The following ZMIZ1 variants were observed in gnomAD, a reference collection of about 807,000 sequenced individuals.
The protein encoded by ZMIZ1 is zinc finger MIZ-type containing 1.
ZMIZ1 carries 17 observed loss-of-function variants against 113.9 expected under a neutral mutation model. The ratio of observed to expected loss-of-function variants is 0.15; its 90% CI spans 0.10 to 0.22. The LOEUF is 0.22. ZMIZ1 is among the 10% of genes least tolerant of loss of function. ZMIZ1 has a pLI of 1.00. For missense variants in ZMIZ1, 1,059 were observed against 1,477.8 expected (o/e 0.72, Z 4.65); for synonymous variants, 607 against 603.1 (o/e 1.01, Z -0.09).
intron 7 of ZMIZ1, 91 bp from the exon 8 acceptor site, chr10:79,277,090 T>TAGC: frequency 4.9e-6 from 7 of 1,419,824 alleles, no homozygotes; most frequent in Non-Finnish European, 5.5e-6. Context: ...CCAGCATGGA[T>TAGC]AGCACCCAGT....
At chr10:79,262,046 C>T (rs915024373) in intron 7 of ZMIZ1, among the ~76,000 whole-genome samples, 8 of 152,202 alleles carry the variant, frequency 5.3e-5, no homozygotes, top group Admixed American at 3.3e-4. Flanking sequence ...TATCAGCGAA[C>T]GTTTGCCAAG....
chr10:79,122,548 C>T (rs558835034), intron 2 of ZMIZ1, among the ~76,000 whole-genome samples: 1 of 152,256 alleles, frequency 6.6e-6, no homozygotes, highest in East Asian at 1.9e-4. Flanking sequence ...TTGGCAGACT[C>T]ACTCCTGCAG....
chr10:79,293,833 T>A, intron 12 of ZMIZ1, 180 bp downstream of exon 12: 1 of 922,090 alleles, frequency 1.1e-6, no homozygotes, highest in Non-Finnish European at 1.7e-6. Context: ...GTTTCCCAAC[T>A]GAAAGACCTC....
intron 7 of ZMIZ1, among the ~76,000 whole-genome samples, chr10:79,247,282 G>A (rs1020081710): frequency 1.3e-5 from 2 of 152,210 alleles, no homozygotes; most frequent in African/African-American, 2.4e-5. Flanking sequence ...GGTCAGGGGC[G>A]GGGCACTGAT....
intron 3 of ZMIZ1, among the ~76,000 whole-genome samples, chr10:79,157,434 G>A (rs1845945465): frequency 6.6e-6 from 1 of 151,666 alleles, no homozygotes; most frequent in African/African-American, 2.4e-5. Context: ...AACAGCTGAG[G>A]CCTAATGACA....
intron 16 of ZMIZ1, among the ~76,000 whole-genome samples, chr10:79,299,612 AG>A (rs1189399118): frequency 6.6e-6 from 1 of 152,220 alleles, no homozygotes; most frequent in African/African-American, 2.4e-5. Flanking sequence ...CATCTATTGC[AG>A]GGGGCTGACC....
At chr10:79,277,433 G>A in intron 8 of ZMIZ1, 108 bp downstream of exon 8, 1 of 1,369,952 alleles carries the variant, frequency 7.3e-7, no homozygotes, top group Non-Finnish European at 9.6e-7. Context: ...CCATGAGGAT[G>A]TTGCATTTTC....
intron 7 of ZMIZ1, among the ~76,000 whole-genome samples, chr10:79,261,490 G>A (rs974247776): frequency 1.3e-5 from 2 of 152,220 alleles, no homozygotes; most frequent in African/African-American, 2.4e-5. Context: ...CTCTGGAAGA[G>A]AAACAGGGAG....
At chr10:79,293,232 C>A in intron 11 of ZMIZ1, 149 bp from the exon 12 acceptor site, 1 of 1,071,846 alleles carries the variant, frequency 9.3e-7, no homozygotes, top group Non-Finnish European at 1.3e-6. Flanking sequence ...CCCCTGGGGC[C>A]TGGTTGGTCA....
intron 1 of ZMIZ1, among the ~76,000 whole-genome samples, chr10:79,102,929 G>A (rs1305210212): frequency 6.6e-6 from 1 of 152,234 alleles, no homozygotes; most frequent in East Asian, 1.9e-4. Flanking sequence ...ATAGAAAGCA[G>A]GAAACCAGCT....
chr10:79,179,941 C>T (rs898668898), intron 4 of ZMIZ1, among the ~76,000 whole-genome samples: 5 of 152,164 alleles, frequency 3.3e-5, no homozygotes, highest in African/African-American at 9.7e-5. Context: ...AGGCCAGTGT[C>T]AGATCAGCAT....
At chr10:79,290,804 A>C (rs1159834421) in intron 9 of ZMIZ1, 155 bp from the exon 10 acceptor site, 3 of 857,152 alleles carry the variant, frequency 3.5e-6, no homozygotes, top group African/African-American at 1.7e-5. Flanking sequence ...TCACCGGTAC[A>C]CTCAGAATAG....
intron 1 of ZMIZ1, among the ~76,000 whole-genome samples, chr10:79,105,708 C>T (rs2132276481): frequency 6.6e-6 from 1 of 152,316 alleles, no homozygotes; most frequent in Non-Finnish European, 1.5e-5. Context: ...TTGTGTTTAA[C>T]TTCTATCCTT....
In ZMIZ1 at chr10:79,069,299, G is replaced by T. The variant is rs1842164345; in HGVS notation, c.-337+29G>T. 6.6e-6 allele frequency: 1 copy of T among 150,466 alleles called. No homozygotes were observed. Among genetic ancestry groups the T allele is most frequent in the African/African-American group, 2.4e-5 (1 of 41,236 alleles). The allele number at this position is 150,466 out of a possible 1,614,324, so 9.3% of individuals were successfully genotyped here. A position where few individuals can be genotyped will look rare whatever the true frequency, so the allele number is the denominator to read the frequency against. ...AGTTTGGGGCCAGAGCCAGGCGCCC[G>T]CTGGCTCCGGGGCTACCTCCCGCTC... is the stretch of plus-strand genomic sequence containing the variant. On this transcript the variant is annotated intron_variant, in intron 1 of 24. Coordinates refer to ENST00000334512, the MANE Select transcript of ZMIZ1 (RefSeq NM_020338.4). This position sits in a 1 kb window ranked among gnomAD's most constrained non-coding sequence, Gnocchi z 4.6.
At position 79,313,657 on chromosome 10, in the gene ZMIZ1, C is replaced by G. The variant is rs141430389; in HGVS notation, c.*908C>G. 1 of 250,344 alleles carries G rather than the reference C, an allele frequency of 4.0e-6. No individual in the cohort carries two copies. The highest frequency in any genetic ancestry group is 1.1e-4 in the East Asian group (1 of 9,112). The allele number at this position is 250,344 out of a possible 1,614,324, so 15.5% of individuals were successfully genotyped here. On this transcript the variant is annotated 3_prime_UTR_variant, in exon 25 of 25. Transcript: ENST00000334512. ...CGGCAACTTCTAACTTTGCTCCAAG[C>G]CACTCTCTTTTTAAACAGCAACAAT...
At position 79,285,570 on chromosome 10, in the gene ZMIZ1, C is replaced by T. The variant is rs967795537; in HGVS notation, c.426-4205C>T. 183 of 456,062 alleles carry T rather than the reference C, an allele frequency of 4.0e-4. No homozygotes were observed. The highest frequency in any genetic ancestry group is 3.3e-3 in the African/African-American group (165 of 50,172). The allele number at this position is 456,062 out of a possible 1,614,324, so 28.3% of individuals were successfully genotyped here. On this transcript the variant is annotated intron_variant, in intron 8 of 24. Coordinates refer to ENST00000334512, the MANE Select transcript of ZMIZ1 (RefSeq NM_020338.4). ...GCCACAGACACACTGTGTAGGTGGT[C>T]GGTCATCAGGCTTAACGAAATGGAC...
chr10:79,211,840 G>C (rs1420564605), intron 6 of ZMIZ1, among the ~76,000 whole-genome samples: 1 of 152,230 alleles, frequency 6.6e-6, no homozygotes, highest in Non-Finnish European at 1.5e-5. Flanking sequence ...CGTGGGCTTA[G>C]GGAACGGCGG....
At chr10:79,225,346 C>T (rs7893495) in intron 7 of ZMIZ1, among the ~76,000 whole-genome samples, 2 of 152,278 alleles carry the variant, frequency 1.3e-5, no homozygotes, top group African/African-American at 4.8e-5. Context: ...ACTGCCAAAA[C>T]AAAGACAGTA....
In ZMIZ1 at chr10:79,293,485, C is replaced by A; in HGVS notation, c.1062C>A (p.Gly354=). The change falls in exon 12 of 25, where the codon GGC becomes GGA. Residue 354 remains glycine, a synonymous_variant. Transcript: ENST00000334512. ...GSMNPASMAA[G]MTPSGMSGPP... is the part of the protein sequence containing the mutation. ...TGAACCCCGCGAGCATGGCGGCTGG[C>A]ATGACGCCCTCGGGGATGAGCGGCC... 1 of 1,579,460 alleles carries A rather than the reference C, an allele frequency of 6.3e-7. No individual in the cohort carries two copies. Among genetic ancestry groups the A allele is most frequent in the Non-Finnish European group, 8.6e-7 (1 of 1,160,132 alleles).
Sources: allele counts gnomAD v4.1 joint callset (sites outside exome capture counted in the v4.1 genomes callset), GRCh38; gene constraint gnomAD v4.1.1; non-coding constraint Gnocchi (gnomAD v3.1); transcripts MANE v1.5; gene names NCBI Gene and HGNC (gene_info 2026-07-23, HGNC 2026-07-21).